TNXB: variants seen among roughly 807,000 people sequenced by gnomAD.
The protein encoded by TNXB is tenascin XB.
Under a neutral mutation model 340.5 loss-of-function variants are expected in TNXB, and 183 were observed. That is an observed-to-expected ratio of 0.54 (90% CI 0.48 to 0.61). TNXB has a LOEUF of 0.61. Among genes scored for constraint, TNXB ranks in the 20% least tolerant of loss-of-function variants. The pLI is 0.00. For missense variants in TNXB, 4,613 were observed against 5,446.4 expected (o/e 0.85, Z 4.82); for synonymous variants, 2,121 against 2,314.5 (o/e 0.92, Z 2.40).
chr6:32,056,075 G>A lies in TNXB; in HGVS notation c.8243C>T (p.Ser2748Phe), dbSNP rs760681566. Residue 2748 changes from serine (S) to phenylalanine (F), a missense_variant, in exon 24 of 44, where the codon TCC becomes TTC. Physicochemically the swap from Ser to Phe is radical, Grantham distance 155. Coordinates refer to ENST00000644971, the MANE Select transcript of TNXB (RefSeq NM_001365276.2). The stretch of plus-strand genomic sequence containing the variant: ...CCAGGAGAGGCTCAGCGAGTCAGGG[G>A]AGGATCCTGTCACTGTCAGCTCCCC... ...LLGELTVTGS[S>F]PDSLSLSWTI... 17 of 1,612,730 alleles carry A rather than the reference G, an allele frequency of 1.1e-5. No individual in the cohort carries two copies. Among genetic ancestry groups the A allele is most frequent in the Admixed American group, 5.0e-5 (3 of 60,002 alleles).
rs1778665636 is a variant in TNXB, at chr6:32,070,046, G to C, written c.5278+81C>G. On this transcript the variant is annotated intron_variant, in intron 14 of 43. Transcript: ENST00000644971. The surrounding 1 kb of genome is among the most constrained non-coding windows in gnomAD (Gnocchi z 6.0). Reference sequence around the variant, plus strand: ...GCCGAGTGGCTGGGGCCAAATAATGGTAATGGCAGCCACCACAAGTGACCG... The same window carrying C: ...GCCGAGTGGCTGGGGCCAAATAATGCTAATGGCAGCCACCACAAGTGACCG... 1.4e-6 allele frequency: 2 copies of C among 1,446,892 alleles called. No individual in the cohort carries two copies. The highest frequency in any genetic ancestry group is 2.6e-5 in the Admixed American group (1 of 38,550). The allele number at this position is 1,446,892 out of a possible 1,614,324, so 89.6% of individuals were successfully genotyped here.
chr6:32,050,143 A>G lies in TNXB; in HGVS notation c.9294T>C (p.Asp3098=). The G allele has an allele frequency of 1.2e-6, 2 of 1,613,832 alleles. No homozygotes were observed. The change falls in exon 27 of 44, where the codon GAT becomes GAC. Residue 3098 remains aspartate, a synonymous_variant. Transcript: ENST00000644971. The part of the protein sequence containing the change: ...DHFLVQYRNG[D]GQPKAVRVPG... Reference sequence around the variant, plus strand: ...GCACCCGCACCGCCTTGGGCTGCCCATCCCCATTCCTGTACTGGACCAGGA... The same window carrying G: ...GCACCCGCACCGCCTTGGGCTGCCCGTCCCCATTCCTGTACTGGACCAGGA...
At position 32,042,310 on chromosome 6, in the gene TNXB, T is replaced by C; in HGVS notation, c.12263A>G (p.Asp4088Gly). 1 of 1,497,512 alleles carries C rather than the reference T, an allele frequency of 6.7e-7. No homozygotes were observed. The highest frequency in any genetic ancestry group is 9.2e-7 in the Non-Finnish European group (1 of 1,086,362). The allele number at this position is 1,497,512 out of a possible 1,614,324, so 92.8% of individuals were successfully genotyped here. The change falls in exon 41 of 44, where the codon GAC becomes GGC. Residue 4088 changes from aspartate (D) to glycine (G), a missense_variant. Asp to Gly is a moderately conservative substitution (Grantham distance 94, BLOSUM62 -1). Around this residue, in one of 7 missense-constraint regions of TNXB, gnomAD observed 121 missense variants for 177.4 expected, o/e 0.68. Transcript: ENST00000644971. ...GQTDFWRDWE[D>G]YAHGFGNISG... ...GATGTTCCCAAAACCATGGGCATAG[T>C]CCTCCCAGTCCCTCCAGAAGTCTGT...
Position 32,085,840 on chromosome 6 carries a change from G to C in TNXB, c.3058C>G (p.Pro1020Ala). Reference protein sequence around the residue: ...GDVRQALVPPPPPGTPYELSL... With the variant: ...GDVRQALVPPAPPGTPYELSL... ...AGCTCATACGGGGTTCCAGGAGGGG[G>C]TGGAGGCACCAGAGCCTGGCGGACG... is the stretch of plus-strand genomic sequence containing the variant. Residue 1020 changes from proline to alanine, a missense_variant, in exon 7 of 44, where the codon CCC (proline) becomes GCC (alanine). Physicochemically the swap from Pro to Ala is conservative, Grantham distance 27 (BLOSUM62 -1). Around this residue, in one of 7 missense-constraint regions of TNXB, gnomAD observed 4,327 missense variants for 4,859.4 expected, o/e 0.89. Transcript: ENST00000644971. The surrounding 1 kb of genome is among the most constrained non-coding windows in gnomAD (Gnocchi z 6.4). The C allele has an allele frequency of 6.2e-7, 1 of 1,606,724 alleles. No homozygotes were observed. The highest frequency in any genetic ancestry group is 8.5e-7 in the Non-Finnish European group (1 of 1,177,696).
Position 32,056,041 on chromosome 6 carries a change from G to A in TNXB, c.8277C>T (p.Pro2759=), listed in dbSNP as rs1777614857. 2.8e-5 allele frequency: 45 copies of A among 1,613,074 alleles called. No individual in the cohort carries two copies. Among genetic ancestry groups the A allele is most frequent in the Non-Finnish European group, 3.7e-5 (44 of 1,179,896 alleles). The part of the protein sequence containing the change: ...PDSLSLSWTI[P]QGHFDSFTVQ... ...CGGTGAAGGAGTCGAAGTGGCCCTG[G>A]GGGATGGTCCAGGAGAGGCTCAGCG... The change falls in exon 24 of 44, where the codon CCC becomes CCT. Residue 2759 remains proline, a synonymous_variant. Transcript: ENST00000644971.
Position 32,081,284 on chromosome 6 carries a change from G to A in TNXB, c.4042+84C>T, listed in dbSNP as rs529911924. 32 of 1,367,550 alleles carry A rather than the reference G, an allele frequency of 2.3e-5. 1 individual carries two copies. The Admixed American group carries it at 5.5e-4, about 23-fold the overall frequency. 84.7% of individuals were successfully genotyped at this position (1,367,550 alleles called of 1,614,324 possible). A position where few individuals can be genotyped will look rare whatever the true frequency, so the allele number is the denominator to read the frequency against. On this transcript the variant is annotated intron_variant, in intron 10 of 43. Transcript: ENST00000644971. The surrounding 1 kb of genome is among the most constrained non-coding windows in gnomAD (Gnocchi z 5.1). ...AAAATGAGCTGAGAAGGCGAAGATGGAGGGAGGCTGGAAGGAGCCCCAGCC... is the reference window on the plus strand; with the variant it reads ...AAAATGAGCTGAGAAGGCGAAGATGAAGGGAGGCTGGAAGGAGCCCCAGCC...
At chr6:32,102,376 CA>C (rs1303714435) in intron 1 of TNXB, among the ~76,000 whole-genome samples, 5 of 152,144 alleles carry the variant, frequency 3.3e-5, no homozygotes, top group Admixed American at 3.3e-4. Context: ...AAACTGAAAG[CA>C]ACTCAAGTGT....
Position 32,048,448 on chromosome 6 carries a change from C to G in TNXB, c.9960G>C (p.Leu3320=). The G allele has an allele frequency of 6.3e-7, 1 of 1,586,714 alleles. No individual in the cohort carries two copies. Residue 3320 remains leucine (L), a synonymous_variant, in exon 29 of 44, where the codon CTG becomes CTC. Transcript: ENST00000644971. ...GGAACTTGTACTTGCGGGCCGGGTC[C>G]AGCCCCGAGACGGCGACCGCTCGGA... ...GDLRAVAVSG[L]DPARKYKFLL... is the part of the protein sequence containing the mutation.
In TNXB at chr6:32,058,028, T is replaced by TTCCCCCCCC; in HGVS notation, c.7825+29_7825+30insGGGGGGGGA. The TTCCCCCCCC allele has an allele frequency of 6.3e-7, 1 of 1,577,136 alleles. No homozygotes were observed. The highest frequency in any genetic ancestry group is 8.6e-7 in the Non-Finnish European group (1 of 1,162,950). On this transcript the variant is annotated intron_variant, in intron 22 of 43. Transcript: ENST00000644971. This position sits in a 1 kb window ranked among gnomAD's most constrained non-coding sequence, Gnocchi z 5.1. ...AAGGGCACATTTTCTAGGGCTGTCT[T>TTCCCCCCCC]CCAACCCTGCCCCACCCACACTCAC...
intron 1 of TNXB, among the ~76,000 whole-genome samples, chr6:32,105,054 A>G (rs1248390544): frequency 1.3e-5 from 2 of 152,084 alleles, no homozygotes; most frequent in African/African-American, 2.4e-5. Context: ...AACACTGACA[A>G]ACAGCCCTAC....
chr6:32,088,938 T>C lies in TNXB; in HGVS notation c.2626A>G (p.Ser876Gly). 6.2e-7 allele frequency: 1 copy of C among 1,606,062 alleles called. No homozygotes were observed. Among genetic ancestry groups the C allele is most frequent in the Non-Finnish European group, 8.5e-7 (1 of 1,176,592 alleles). Residue 876 changes from serine (S) to glycine (G), a missense_variant, in exon 6 of 44, where the codon AGT (serine) becomes GGT (glycine). Ser to Gly is a moderately conservative substitution (Grantham distance 56). Transcript: ENST00000644971. ...EVDRFVVSYV[S>G]AGNQRVRLEV... Reference sequence around the variant, plus strand: ...AGCCTCACCCTCTGGTTGCCGGCACTGACGTAGGACACCACAAATCGGTCC... The same window carrying C: ...AGCCTCACCCTCTGGTTGCCGGCACCGACGTAGGACACCACAAATCGGTCC...
Position 32,097,247 on chromosome 6 carries a change from G to T in TNXB, c.606C>A (p.Cys202Ter). The change falls in exon 3 of 44, where the codon TGC (cysteine) becomes TGA (stop). Residue 202 changes from cysteine (C) to a stop codon, truncating the protein, a stop_gained. Coordinates refer to ENST00000644971, the MANE Select transcript of TNXB (RefSeq NM_001365276.2). LOFTEE classifies it high-confidence loss of function. The surrounding 1 kb of genome is among the most constrained non-coding windows in gnomAD (Gnocchi z 5.9). ...GGCCAGTGTAGCCGGGAAAGCACACGCAACGACCACGGACACAGCGACCCT... is the reference window on the plus strand; with the variant it reads ...GGCCAGTGTAGCCGGGAAAGCACACTCAACGACCACGGACACAGCGACCCT... ...NDQGRCVRGR[C>*]VCFPGYTGPS... is the part of the protein sequence containing the mutation. The T allele has an allele frequency of 6.2e-7, 1 of 1,609,138 alleles. No homozygotes were observed. The highest frequency in any genetic ancestry group is 8.5e-7 in the Non-Finnish European group (1 of 1,177,870).
Position 32,072,277 on chromosome 6 carries a change from G to T in TNXB, c.4703C>A (p.Ala1568Asp), listed in dbSNP as rs1778823970. ...CAGGGGAGGCTTGGAGGCCTCTGTG[G>T]CTGGGGCTGGTGGGAGGGGAGCTGG... ...IVTAPLPPAP[A>D]TEASKPPLEP... The change falls in exon 13 of 44, where the codon GCC becomes GAC. Residue 1568 changes from alanine to aspartate, a missense_variant. By Grantham distance (126) the Ala-to-Asp change is moderately radical (BLOSUM62 -2). Transcript: ENST00000644971. This position sits in a 1 kb window ranked among gnomAD's most constrained non-coding sequence, Gnocchi z 4.4. 6.2e-7 allele frequency: 1 copy of T among 1,602,766 alleles called. No homozygotes were observed. The highest frequency in any genetic ancestry group is 8.5e-7 in the Non-Finnish European group (1 of 1,173,482).
In TNXB at chr6:32,052,664, A is replaced by C. The variant is rs747125265; in HGVS notation, c.9115+6T>G. On this transcript the variant is annotated splice_donor_region_variant and intron_variant, in intron 26 of 43. Transcript: ENST00000644971. This position sits in a 1 kb window ranked among gnomAD's most constrained non-coding sequence, Gnocchi z 4.7. ...TCCCCACCTCGCCTCACTCACACTT[A>C]CTCACCTGTCACACCCACAGCGGAC... 1 of 1,611,304 alleles carries C rather than the reference A, an allele frequency of 6.2e-7. No individual in the cohort carries two copies. Among genetic ancestry groups the C allele is most frequent in the Admixed American group, 1.7e-5 (1 of 59,946 alleles).
At chr6:32,063,262 C>T (rs1473304148) in intron 19 of TNXB, among the ~76,000 whole-genome samples, 1 of 152,066 alleles carries the variant, frequency 6.6e-6, no homozygotes, top group Non-Finnish European at 1.5e-5. Context: ...CTGGTGCATG[C>T]CTGTAATCCC....
At position 32,087,622 on chromosome 6, in the gene TNXB, T is replaced by TGGGGGGGGGGGGGGGGGGGGGGGGG; in HGVS notation, c.2779+1162_2779+1163insCCCCCCCCCCCCCCCCCCCCCCCCC. On this transcript the variant is annotated intron_variant, in intron 6 of 43. Coordinates refer to ENST00000644971, the MANE Select transcript of TNXB (RefSeq NM_001365276.2). The surrounding 1 kb of genome is among the most constrained non-coding windows in gnomAD (Gnocchi z 9.0). ...ATCAGGGCTGGCGGTGGGGCGGGGG[T>TGGGGGGGGGGGGGGGGGGGGGGGGG]GGCGGGGCGGGGGTGCGGGGGAGCC... is the stretch of plus-strand genomic sequence containing the variant. The TGGGGGGGGGGGGGGGGGGGGGGGGG allele has an allele frequency of 3.3e-5, 1 of 30,680 alleles. No homozygotes were observed. The highest frequency in any genetic ancestry group is 7.9e-5 in the Non-Finnish European group (1 of 12,668). 1.9% of individuals were successfully genotyped at this position (30,680 alleles called of 1,614,324 possible). A position where few individuals can be genotyped will look rare whatever the true frequency, so the allele number is the denominator to read the frequency against.
At position 32,069,866 on chromosome 6, in the gene TNXB, G is replaced by A; in HGVS notation, c.5279-5C>T. 3.8e-6 allele frequency: 6 copies of A among 1,581,238 alleles called. No homozygotes were observed. Among genetic ancestry groups the A allele is most frequent in the Non-Finnish European group, 5.2e-6 (6 of 1,160,940 alleles). ...CATCCATAGCACTCCGGGCTTCTGA[G>A]ATGGAGACACGGAGAGGAAACGGCT... On this transcript the variant is annotated splice_polypyrimidine_tract_variant and splice_region_variant and intron_variant, in intron 14 of 43. Transcript: ENST00000644971. This position sits in a 1 kb window ranked among gnomAD's most constrained non-coding sequence, Gnocchi z 6.2.
chr6:32,067,201 C>T lies in TNXB; in HGVS notation c.6544+460G>A, dbSNP rs1778426474. 7.6e-6 allele frequency among the ~76,000 whole-genome samples: 1 copy of T among 131,626 alleles called. No homozygotes were observed. Among genetic ancestry groups the T allele is most frequent in the Non-Finnish European group, 1.7e-5 (1 of 58,722 alleles). 86.4% of individuals were successfully genotyped at this position (131,626 alleles called of 152,430 possible). A position where few individuals can be genotyped will look rare whatever the true frequency, so the allele number is the denominator to read the frequency against. ...AAAGAAAGAAAACATTCTAGTGATT[C>T]TAGTGGAGGAAGTGGGTGGGGCAGA... On this transcript the variant is annotated intron_variant, in intron 18 of 43. Transcript: ENST00000644971. This position sits in a 1 kb window ranked among gnomAD's most constrained non-coding sequence, Gnocchi z 4.2.
rs186782051 is a variant in TNXB at position 32,093,365 on chromosome 6, T to A, written c.2358+1711A>T. On this transcript the variant is annotated intron_variant, in intron 4 of 43. Transcript: ENST00000644971. The stretch of plus-strand genomic sequence containing the variant: ...AAAGATGTTTAAACAGAAGAAAAAA[T>A]TCAAGCTATCTTGGTTGCGCCACGA... 1.8e-4 allele frequency: 127 copies of A among 701,258 alleles called. No homozygotes were observed. The East Asian group carries it at 2.1e-3, about 12-fold the overall frequency. The allele number at this position is 701,258 out of a possible 1,614,324, so 43.4% of individuals were successfully genotyped here.
Sources: allele counts gnomAD v4.1 joint callset (sites outside exome capture counted in the v4.1 genomes callset), GRCh38; gene constraint gnomAD v4.1.1; regional missense constraint gnomAD v4.1.1; non-coding constraint Gnocchi (gnomAD v3.1); transcripts MANE v1.5; gene names NCBI Gene and HGNC (gene_info 2026-07-23, HGNC 2026-07-21).